The following MEF2C variants were observed in gnomAD, a reference collection of about 807,000 sequenced individuals.
The protein encoded by MEF2C is myocyte enhancer factor 2C, also known as myocyte-specific enhancer factor 2C.
Under a neutral mutation model 50.5 loss-of-function variants are expected in MEF2C, and 6 were observed. That is an observed-to-expected ratio of 0.12 (90% CI 0.07 to 0.23). The LOEUF is 0.23. MEF2C is among the 10% of genes least tolerant of loss of function. The pLI, the probability that MEF2C is intolerant of heterozygous loss-of-function variation, is 1.00. For missense variants in MEF2C, 276 were observed against 605.0 expected (o/e 0.46, Z 5.70); for synonymous variants, 183 against 228.0 (o/e 0.80, Z 1.78).
chr5:88,765,438 G>A (rs1278113179), intron 3 of MEF2C, among the ~76,000 whole-genome samples: 1 of 152,166 alleles, frequency 6.6e-6, no homozygotes, highest in African/African-American at 2.4e-5. Context: ...GGAACTATAA[G>A]AGCAGTTTTA....
chr5:88,877,237 A>C (rs1386863856), intron 1 of MEF2C, among the ~76,000 whole-genome samples: 2 of 152,022 alleles, frequency 1.3e-5, no homozygotes, highest in African/African-American at 4.8e-5. Context: ...ATGCCCTCAA[A>C]AGATTCTCTT....
intron 6 of MEF2C, chr5:88,735,036 T>C (rs908681596): frequency 1.0e-5 from 10 of 985,260 alleles, no homozygotes; most frequent in Middle Eastern, 5.2e-4. Context: ...AGCCACCAAA[T>C]TGTTATTCTT....
At chr5:88,837,559 A>G (rs1424207979) in intron 1 of MEF2C, among the ~76,000 whole-genome samples, 1 of 152,138 alleles carries the variant, frequency 6.6e-6, no homozygotes, top group African/African-American at 2.4e-5. Context: ...CCTCAGACAT[A>G]AAAAGGGAGC....
rs554423598 is a variant in MEF2C, at chr5:88,738,447, A to G, written c.638-6546T>C. On this transcript the variant is annotated intron_variant, in intron 6 of 10. Transcript: ENST00000504921. ...ATCTTCACAAGAACAACCCTGTGGG[A>G]TACTAATAGTATCCCTATGAAAAAT... The G allele has an allele frequency of 3.1e-5, 28 of 901,482 alleles. No individual in the cohort carries two copies. In the African/African-American group the frequency reaches 4.7e-4, roughly 15 times the overall value. 55.8% of individuals were successfully genotyped at this position (901,482 alleles called of 1,614,324 possible).
At position 88,830,003 on chromosome 5, in the gene MEF2C, A is replaced by G. The variant is rs574357716; in HGVS notation, c.-142-6073T>C. Among the ~76,000 whole-genome samples, 164 of 152,146 alleles carry G rather than the reference A, an allele frequency of 1.1e-3. 1 individual carries two copies. The Middle Eastern group carries it at 0.017, about 16-fold the overall frequency. On this transcript the variant is annotated intron_variant, in intron 1 of 10. Coordinates refer to ENST00000504921, the MANE Select transcript of MEF2C (RefSeq NM_002397.5). ...GAAAGTCCTATCATATAGTAATGCT[A>G]TCAAGTGAATAGTGTAGTCCTTACA...
chr5:88,749,204 T>C (rs1771430557), intron 5 of MEF2C, 87 bp from the exon 6 acceptor site: 2 of 1,380,998 alleles, frequency 1.4e-6, no homozygotes, highest in Non-Finnish European at 1.9e-6. Flanking sequence ...CAGTATTTTG[T>C]CCTCTTGCAA....
intron 1 of MEF2C, among the ~76,000 whole-genome samples, chr5:88,869,791 TTATC>T: frequency 6.7e-6 from 1 of 149,458 alleles, no homozygotes; most frequent in Non-Finnish European, 1.5e-5. Flanking sequence ...TCATAACTAA[TTATC>T]TAGTATGCTT....
intron 6 of MEF2C, among the ~76,000 whole-genome samples, chr5:88,747,248 C>T (rs1377490450): frequency 1.3e-5 from 2 of 150,582 alleles, no homozygotes; most frequent in African/African-American, 4.9e-5. Flanking sequence ...GATTCCAAAG[C>T]ATTCTAGCTA....
chr5:88,734,381 G>A, intron 6 of MEF2C: 1 of 985,276 alleles, frequency 1.0e-6, no homozygotes, highest in Non-Finnish European at 1.2e-6. Flanking sequence ...GTGCAATGAA[G>A]CTTGAATAGA....
chr5:88,864,768 T>A (rs1001693776), intron 1 of MEF2C, among the ~76,000 whole-genome samples: 82 of 91,408 alleles, frequency 9.0e-4, no homozygotes, highest in Admixed American at 1.2e-3. Flanking sequence ...TTTTTTCAAA[T>A]TTTTTTTTTT....
At chr5:88,749,225 C>T in intron 5 of MEF2C, 108 bp from the exon 6 acceptor site, 2 of 1,318,782 alleles carry the variant, frequency 1.5e-6, no homozygotes, top group Non-Finnish European at 2.0e-6. Context: ...TAGTCATAAA[C>T]TTGTAAAGTA....
intron 3 of MEF2C, among the ~76,000 whole-genome samples, chr5:88,790,621 T>C (rs1340147874): frequency 6.6e-6 from 1 of 152,198 alleles, no homozygotes; most frequent in Non-Finnish European, 1.5e-5. Flanking sequence ...GCCTTGTAAT[T>C]TAATTATTTA....
intron 1 of MEF2C, among the ~76,000 whole-genome samples, chr5:88,846,784 T>A (rs191954686): frequency 6.6e-6 from 1 of 152,350 alleles, no homozygotes; most frequent in Admixed American, 6.5e-5. Context: ...TTTTCCAAAA[T>A]ATAGATGGAA....
chr5:88,898,194 G>A (rs1561499868), intron 1 of MEF2C, among the ~76,000 whole-genome samples: 2 of 152,010 alleles, frequency 1.3e-5, no homozygotes, highest in Non-Finnish European at 2.9e-5. Context: ...GATGAATCTT[G>A]ATTCAAAATT....
chr5:88,866,484 C>T (rs909107080), intron 1 of MEF2C, among the ~76,000 whole-genome samples: 7 of 152,046 alleles, frequency 4.6e-5, no homozygotes, highest in Non-Finnish European at 7.4e-5. Context: ...GTCAGCAGTA[C>T]GGCAATACTT....
intron 1 of MEF2C, among the ~76,000 whole-genome samples, chr5:88,830,270 A>G (rs1478860746): frequency 6.6e-6 from 1 of 152,060 alleles, no homozygotes; most frequent in Non-Finnish European, 1.5e-5. Flanking sequence ...TAATGCTTCT[A>G]GTCCTACTTT....
chr5:88,729,814 T>A (rs1211345047), intron 8 of MEF2C, among the ~76,000 whole-genome samples: 2 of 152,128 alleles, frequency 1.3e-5, no homozygotes, highest in Non-Finnish European at 1.5e-5. Context: ...TTCAGATTCT[T>A]CTAAACTTCC....
chr5:88,805,760 A>C (rs1276545314), intron 2 of MEF2C, among the ~76,000 whole-genome samples: 1 of 145,764 alleles, frequency 6.9e-6, no homozygotes, highest in South Asian at 2.1e-4. Flanking sequence ...CCCAATTTCA[A>C]CTCTCTTTTA....
At chr5:88,747,333 CTTTTTTTTTTTTT>C (rs950842424) in intron 6 of MEF2C, among the ~76,000 whole-genome samples, 26 of 21,744 alleles carry the variant, frequency 1.2e-3, no homozygotes, top group East Asian at 2.7e-3. Context: ...TTTTTTACTA[CTTTTTTTTTTTTT>C]TTTTTTTTTT....
Sources: gnomAD v4.1 joint callset for allele counts (sites outside exome capture counted in the v4.1 genomes callset) on GRCh38, gnomAD v4.1.1 for gene constraint, MANE v1.5 for transcripts, NCBI Gene and HGNC (gene_info 2026-07-23, HGNC 2026-07-21) for gene names.